ROPN1L: variants seen among roughly 807,000 people sequenced by gnomAD.
ROPN1L encodes the protein ropporin-1-like protein.
ROPN1L carries 23 observed loss-of-function variants against 22.7 expected under a neutral mutation model. The observed-to-expected ratio is 1.01, with a 90% CI of 0.73 to 1.43. The LOEUF (loss-of-function observed/expected upper bound fraction) is 1.43, where lower values mean the gene tolerates loss of function less well. Ranked by LOEUF, ROPN1L falls within the 40% of genes most tolerant of loss-of-function variation. The probability of loss-of-function intolerance (pLI) is 0.00; values close to 1 mark genes in which losing one functional copy is unlikely to be tolerated. For missense variants in ROPN1L, 271 were observed against 291.5 expected, an observed-to-expected ratio of 0.93 and a Z score of 0.51; for synonymous variants, 116 against 117.8, an observed-to-expected ratio of 0.98 and a Z score of 0.10.
intron 3 of ROPN1L, among the ~76,000 whole-genome samples, chr5:10,460,436 C>T (rs545456527): frequency 9.2e-5 from 14 of 152,346 alleles, no homozygotes; most frequent in African/African-American, 3.1e-4. Context: ...CCCCCACCCC[C>T]GCAGGGACTT....
At chr5:10,451,584 C>T (rs1313382839) in intron 3 of ROPN1L, among the ~76,000 whole-genome samples, 1 of 152,220 alleles carries the variant, frequency 6.6e-6, no homozygotes, top group Non-Finnish European at 1.5e-5. Flanking sequence ...TTGTTCATTC[C>T]CTTCCTTCGC....
intron 3 of ROPN1L, among the ~76,000 whole-genome samples, chr5:10,452,250 A>T (rs1741278369): frequency 6.7e-6 from 1 of 150,258 alleles, no homozygotes; most frequent in Non-Finnish European, 1.5e-5. Flanking sequence ...GGGATTATAG[A>T]TTACAGGTGT....
At chr5:10,468,894 G>A (rs148649842), downstream of ROPN1L, among the ~76,000 whole-genome samples, 831 of 152,332 alleles carry the variant, frequency 5.5e-3, 4 homozygotes, top group African/African-American at 0.019. Context: ...AATGGCTCAC[G>A]CCTCTAATCC....
At chr5:10,458,722 T>C (rs1734922995) in intron 3 of ROPN1L, among the ~76,000 whole-genome samples, 1 of 79,804 alleles carries the variant, frequency 1.3e-5, no homozygotes, top group Non-Finnish European at 2.5e-5. Context: ...TCCCCTTGTA[T>C]ACACCACCCC....
downstream of ROPN1L, among the ~76,000 whole-genome samples, chr5:10,476,677 AGGAC>A (rs879353166): frequency 1.3e-5 from 2 of 151,990 alleles, no homozygotes; most frequent in Non-Finnish European, 2.9e-5. Context: ...CTGGTGTAGA[AGGAC>A]GGTGATATTT....
At chr5:10,471,317 T>C (rs563871539) in intron 4 of ROPN1L, among the ~76,000 whole-genome samples, 2 of 151,760 alleles carry the variant, frequency 1.3e-5, no homozygotes, top group South Asian at 4.2e-4. Context: ...TTTTGTACTT[T>C]TTTTTTTTTT....
intron 2 of ROPN1L, 54 bp downstream of exon 2, chr5:10,448,437 C>T (rs1255006361): frequency 2.1e-5 from 33 of 1,608,094 alleles, no homozygotes; most frequent in Middle Eastern, 1.9e-4. Flanking sequence ...CTTTCCTTAC[C>T]GTTCACTGTG....
intron 3 of ROPN1L, among the ~76,000 whole-genome samples, chr5:10,458,165 C>T (rs1292810115): frequency 6.6e-6 from 1 of 152,050 alleles, no homozygotes; most frequent in African/African-American, 2.4e-5. Flanking sequence ...CGAGGAAATC[C>T]TGTGCCACCC....
intron 4 of ROPN1L, among the ~76,000 whole-genome samples, chr5:10,470,779 C>A (rs1011990061): frequency 6.6e-6 from 1 of 152,238 alleles, no homozygotes; most frequent in Admixed American, 6.5e-5. Flanking sequence ...CCATGAAGTG[C>A]CCTGGCCGTG....
chr5:10,453,970 T>C (rs796858664), intron 3 of ROPN1L, among the ~76,000 whole-genome samples: 3 of 152,312 alleles, frequency 2.0e-5, no homozygotes, highest in African/African-American at 7.2e-5. Context: ...CATCAAAAGC[T>C]ATCAATTCAG....
downstream of ROPN1L, among the ~76,000 whole-genome samples, chr5:10,475,685 T>C (rs116458260): frequency 7.4e-3 from 1,130 of 152,258 alleles, 8 homozygotes; most frequent in Middle Eastern, 0.058. Context: ...AGAGACTGGG[T>C]TCCAGACCTG....
intron 2 of ROPN1L, 138 bp downstream of exon 2, chr5:10,448,521 C>A: frequency 2.1e-6 from 2 of 958,968 alleles, no homozygotes; most frequent in Non-Finnish European, 1.5e-6. Context: ...CCTGCTTTCC[C>A]TGCCACGCAT....
downstream of ROPN1L, among the ~76,000 whole-genome samples, chr5:10,474,493 T>C (rs1320457583): frequency 6.6e-6 from 1 of 152,204 alleles, no homozygotes; most frequent in East Asian, 1.9e-4. Context: ...GATTTGACAG[T>C]GACCTCCAGC....
At chr5:10,449,019 C>T (rs1426368917) in intron 2 of ROPN1L, among the ~76,000 whole-genome samples, 3 of 152,242 alleles carry the variant, frequency 2.0e-5, no homozygotes, top group Non-Finnish European at 2.9e-5. Flanking sequence ...GATTTTCAAA[C>T]TGACTTATCC....
chr5:10,457,174 G>C (rs1271838873), intron 3 of ROPN1L, among the ~76,000 whole-genome samples: 1 of 152,174 alleles, frequency 6.6e-6, no homozygotes, highest in Non-Finnish European at 1.5e-5. Context: ...ACTTTTCCTA[G>C]AGAGAGCATC....
chr5:10,457,808 G>A (rs761598725), intron 3 of ROPN1L, among the ~76,000 whole-genome samples: 4 of 152,080 alleles, frequency 2.6e-5, no homozygotes, highest in Admixed American at 2.6e-4. Context: ...CAGCTCCCCC[G>A]TGAGGATGGT....
intron 1 of ROPN1L, among the ~76,000 whole-genome samples, chr5:10,443,425 A>G (rs958241155): frequency 6.6e-6 from 1 of 151,752 alleles, no homozygotes; most frequent in African/African-American, 2.4e-5. Context: ...GATCGAGACC[A>G]TCCTGGCTAA....
chr5:10,452,853 A>C (rs1741299081), intron 3 of ROPN1L, among the ~76,000 whole-genome samples: 1 of 152,220 alleles, frequency 6.6e-6, no homozygotes, highest in African/African-American at 2.4e-5. Flanking sequence ...TTGAAAAATA[A>C]GGCCTCTTGT....
At chr5:10,479,833 C>T in the ROPN1L span, among the ~76,000 whole-genome samples, 1 of 152,158 alleles carries the variant, frequency 6.6e-6, no homozygotes, top group Non-Finnish European at 1.5e-5. Context: ...CAACCTCTGC[C>T]TCCTGAATTC....
Sources: allele counts gnomAD v4.1 joint callset (sites outside exome capture counted in the v4.1 genomes callset), GRCh38; gene constraint gnomAD v4.1.1; transcripts MANE v1.5; gene names NCBI Gene and HGNC (gene_info 2026-07-23, HGNC 2026-07-21).